The following KIAA1217 variants were observed in gnomAD, a reference collection of about 807,000 sequenced individuals.
KIAA1217 encodes sickle tail protein homolog.
Under a neutral mutation model 163.9 loss-of-function variants are expected in KIAA1217, and 88 were observed. The observed-to-expected ratio is 0.54, with a 90% confidence interval of 0.45 to 0.64. KIAA1217 has a LOEUF of 0.64. Among genes scored for constraint, KIAA1217 ranks in the 30% least tolerant of loss-of-function variants. KIAA1217 has a pLI of 0.00. For synonymous variants in KIAA1217, 903 were observed against 923.1 expected, an observed-to-expected ratio of 0.98 and a Z score of 0.39; for missense variants, 2,372 against 2,475.0, an observed-to-expected ratio of 0.96 and a Z score of 0.88.
At chr10:23,747,311 T>G (rs1839465587) in intron 1 of KIAA1217, among the ~76,000 whole-genome samples, 1 of 152,220 alleles carries the variant, frequency 6.6e-6, no homozygotes, top group Non-Finnish European at 1.5e-5. Flanking sequence ...CATTTATTTA[T>G]TCCAGACTTT....
intron 2 of KIAA1217, among the ~76,000 whole-genome samples, chr10:24,116,755 T>C (rs1039712907): frequency 3.9e-5 from 6 of 152,172 alleles, no homozygotes; most frequent in African/African-American, 1.2e-4. Flanking sequence ...TCCTTACCTC[T>C]CTTAATTTTT....
intron 2 of KIAA1217, among the ~76,000 whole-genome samples, chr10:24,279,245 T>C (rs2077635322): frequency 7.5e-6 from 1 of 132,464 alleles, no homozygotes; most frequent in South Asian, 2.4e-4. Flanking sequence ...CTGTTTTTTT[T>C]TTTGTTGGTG....
chr10:24,017,242 T>C (rs1847524497), intron 2 of KIAA1217, among the ~76,000 whole-genome samples: 1 of 151,894 alleles, frequency 6.6e-6, no homozygotes, highest in African/African-American at 2.4e-5. Flanking sequence ...ACATTTTTTG[T>C]AGAGACAGGA....
At chr10:24,331,013 A>G (rs1411469871) in intron 2 of KIAA1217, among the ~76,000 whole-genome samples, 1 of 151,880 alleles carries the variant, frequency 6.6e-6, no homozygotes, top group Non-Finnish European at 1.5e-5. Context: ...GCATGATCAC[A>G]GCTCACTGCA....
At chr10:23,996,269 A>G (rs1846475167) in intron 1 of KIAA1217, among the ~76,000 whole-genome samples, 1 of 152,204 alleles carries the variant, frequency 6.6e-6, no homozygotes, top group Admixed American at 6.6e-5. Context: ...AACCATGAAA[A>G]TCAAGTTATT....
chr10:24,115,633 GGCCCCCAGTGCTCCCAGTA>G (rs1564718496), intron 2 of KIAA1217, among the ~76,000 whole-genome samples: 1 of 152,158 alleles, frequency 6.6e-6, no homozygotes, highest in African/African-American at 2.4e-5. Flanking sequence ...TTTCTGCAGT[GGCCCCCAGTGCTCCCAGTA>G]GCTCTAAGAG....
intron 1 of KIAA1217, among the ~76,000 whole-genome samples, chr10:23,786,539 A>T: frequency 1.3e-5 from 1 of 78,808 alleles, no homozygotes; most frequent in Non-Finnish European, 2.5e-5. Flanking sequence ...AGAAGTAGCC[A>T]AAAAAAAAAA....
upstream of KIAA1217, chr10:24,208,682 C>G (rs1253281753): frequency 6.6e-6 from 1 of 152,384 alleles, no homozygotes; most frequent in Non-Finnish European, 1.5e-5. Flanking sequence ...GTGGATCACC[C>G]GATTTGGGAG....
chr10:24,390,491 A>C (rs1456122926), intron 3 of KIAA1217, among the ~76,000 whole-genome samples: 1 of 139,884 alleles, frequency 7.1e-6, no homozygotes. Context: ...GAAGGAAGGA[A>C]GGAAGGAAGG....
chr10:23,972,436 A>C (rs776823850), intron 1 of KIAA1217, among the ~76,000 whole-genome samples: 9 of 152,118 alleles, frequency 5.9e-5, no homozygotes, highest in Admixed American at 1.3e-4. Context: ...GCAGCTGTAA[A>C]AACGTATGAG....
Position 24,353,002 on chromosome 10 carries a change from C to T in KIAA1217, c.355-27867C>T, listed in dbSNP as rs144781971. Reference sequence around the variant, plus strand: ...GAGCAAAAAGAGTGTTGAGGCCTCCCGAGAACGCTAGAATGACCCCACATC... The same window carrying T: ...GAGCAAAAAGAGTGTTGAGGCCTCCTGAGAACGCTAGAATGACCCCACATC... On this transcript the variant is annotated intron_variant, in intron 2 of 20. Transcript: ENST00000376454. 6.3e-3 allele frequency among the ~76,000 whole-genome samples: 963 copies of T among 152,012 alleles called. 11 individuals are homozygous for T. Among genetic ancestry groups the T allele is most frequent in the African/African-American group, 0.022 (910 of 41,478 alleles).
At chr10:23,927,738 C>T (rs1486368811) in intron 1 of KIAA1217, among the ~76,000 whole-genome samples, 3 of 152,076 alleles carry the variant, frequency 2.0e-5, no homozygotes, top group South Asian at 2.1e-4. Context: ...ACCTGGTTTC[C>T]GTGTTGGGGG....
intron 2 of KIAA1217, among the ~76,000 whole-genome samples, chr10:24,023,575 C>A (rs1847823738): frequency 6.6e-6 from 1 of 151,550 alleles, no homozygotes; most frequent in Non-Finnish European, 1.5e-5. Context: ...AACAGTGGGA[C>A]TTAAGGATAT....
chr10:23,912,113 A>T (rs1842457977), intron 1 of KIAA1217, among the ~76,000 whole-genome samples: 1 of 152,008 alleles, frequency 6.6e-6, no homozygotes, highest in Non-Finnish European at 1.5e-5. Context: ...CCCAGTTTTG[A>T]GGAGAACTTT....
At chr10:23,892,693 G>T (rs565800793) in intron 1 of KIAA1217, among the ~76,000 whole-genome samples, 11 of 151,994 alleles carry the variant, frequency 7.2e-5, no homozygotes, top group African/African-American at 2.7e-4. Context: ...AATAATGATA[G>T]CTTATTTTTT....
chr10:24,272,590 T>C (rs2076877962), intron 2 of KIAA1217, among the ~76,000 whole-genome samples: 1 of 152,226 alleles, frequency 6.6e-6, no homozygotes, highest in African/African-American at 2.4e-5. Flanking sequence ...TCAAACTCAA[T>C]GTACATAACT....
At chr10:23,959,128 G>A (rs2131369376) in intron 1 of KIAA1217, among the ~76,000 whole-genome samples, 1 of 152,092 alleles carries the variant, frequency 6.6e-6, no homozygotes, top group East Asian at 1.9e-4. Context: ...CATATACTGT[G>A]ACCTATGTGC....
At chr10:23,923,536 G>A (rs956987800) in intron 1 of KIAA1217, among the ~76,000 whole-genome samples, 1 of 152,166 alleles carries the variant, frequency 6.6e-6, no homozygotes, top group Non-Finnish European at 1.5e-5. Flanking sequence ...TTTGTAAGAG[G>A]TGGCAGAAGG....
chr10:24,225,367 T>C (rs1486909399), intron 2 of KIAA1217, among the ~76,000 whole-genome samples: 1 of 152,098 alleles, frequency 6.6e-6, no homozygotes, highest in Non-Finnish European at 1.5e-5. Flanking sequence ...CAAGCGATCC[T>C]CTCGCTTTGA....
Sources: allele counts gnomAD v4.1 joint callset (sites outside exome capture counted in the v4.1 genomes callset), GRCh38; gene constraint gnomAD v4.1.1; transcripts MANE v1.5; gene names NCBI Gene and HGNC (gene_info 2026-07-23, HGNC 2026-07-21).